WSCD1: variants seen among roughly 807,000 people sequenced by gnomAD.
WSCD1 encodes the protein WSC domain sialate O sulfotransferase 1.
WSCD1 carries 41 observed loss-of-function variants against 60.4 expected under a neutral mutation model. The observed-to-expected ratio is 0.68, with a 90% CI of 0.53 to 0.88. The LOEUF (loss-of-function observed/expected upper bound fraction) is 0.88. Ranked by LOEUF, WSCD1 falls within the 40% of genes least tolerant of loss-of-function variation. The pLI is 0.00. For synonymous variants in WSCD1, 361 were observed against 332.5 expected (o/e 1.09, Z -0.93); for missense variants, 784 against 796.2 (o/e 0.98, Z 0.18).
At position 6,120,675 on chromosome 17, in the gene WSCD1, C is replaced by T. The variant is rs201390837; in HGVS notation, c.*14C>T. 76 of 1,594,592 alleles carry T rather than the reference C, an allele frequency of 4.8e-5. No individual in the cohort carries two copies. The East Asian group carries it at 1.5e-3, about 31-fold the overall frequency. On this transcript the variant is annotated 3_prime_UTR_variant, in exon 9 of 9. Transcript: ENST00000317744. Reference sequence around the variant, plus strand: ...GTGCCCAGATGATAGGCCTGGCCCACGCCGCCGCCCCCGCTGAGTGACGCA... The same window carrying T: ...GTGCCCAGATGATAGGCCTGGCCCATGCCGCCGCCCCCGCTGAGTGACGCA...
At chr17:6,089,778 C>G (rs1909901619) in intron 3 of WSCD1, among the ~76,000 whole-genome samples, 2 of 152,194 alleles carry the variant, frequency 1.3e-5, no homozygotes, top group Non-Finnish European at 2.9e-5. Context: ...CCATTATAAC[C>G]TGTAACCACG....
intron 4 of WSCD1, among the ~76,000 whole-genome samples, chr17:6,091,271 C>T (rs1910023755): frequency 6.6e-6 from 1 of 152,180 alleles, no homozygotes; most frequent in East Asian, 1.9e-4. Context: ...AGAAATGCTG[C>T]ATAAAATTTA....
chr17:6,070,153 GGTGTGT>G (rs375644165), upstream of WSCD1, among the ~76,000 whole-genome samples: 33 of 142,324 alleles, frequency 2.3e-4, no homozygotes, highest in Admixed American at 4.1e-4. Flanking sequence ...CTGGGTGACT[GGTGTGT>G]GTGTGTGTGT....
intron 1 of WSCD1, among the ~76,000 whole-genome samples, chr17:6,070,913 G>C (rs1322660503): frequency 6.6e-6 from 1 of 151,610 alleles, no homozygotes; most frequent in Non-Finnish European, 1.5e-5. Context: ...GGGATGGGGT[G>C]GGGGTGCGCG....
chr17:6,121,505 ATCC>A lies in WSCD1; in HGVS notation c.*847_*849del, dbSNP rs1296998489. Reference sequence around the variant, plus strand: ...CCTTGCCTGGCTTCTTCCTCCAGCTATCCTCAGGGAAGCTGGAGATTCAAGTCA... The same window carrying A: ...CCTTGCCTGGCTTCTTCCTCCAGCTATCAGGGAAGCTGGAGATTCAAGTCA... On this transcript the variant is annotated 3_prime_UTR_variant, in exon 9 of 9. Coordinates refer to ENST00000317744, the MANE Select transcript of WSCD1 (RefSeq NM_015253.2). 1 of 152,190 alleles carries A rather than the reference ATCC, an allele frequency of 6.6e-6. No individual in the cohort carries two copies. Among genetic ancestry groups the A allele is most frequent in the Non-Finnish European group, 1.5e-5 (1 of 68,096 alleles). 9.4% of individuals were successfully genotyped at this position (152,190 alleles called of 1,614,324 possible). A position where few individuals can be genotyped will look rare whatever the true frequency, so the allele number is the denominator to read the frequency against.
chr17:6,111,362 T>C (rs2150566627), intron 7 of WSCD1, among the ~76,000 whole-genome samples: 1 of 152,246 alleles, frequency 6.6e-6, no homozygotes, highest in East Asian at 1.9e-4. Context: ...GAGGTGACTG[T>C]TCCACCAGAT....
chr17:6,115,570 C>A (rs1911646722), intron 7 of WSCD1, among the ~76,000 whole-genome samples: 1 of 151,878 alleles, frequency 6.6e-6, no homozygotes, highest in Non-Finnish European at 1.5e-5. Context: ...GGATTTCTTT[C>A]TTTCCTTTTT....
Position 6,095,172 on chromosome 17 carries a change from G to A in WSCD1, c.798G>A (p.Leu266=). The part of the protein sequence containing the change: ...ENITHAFPSS[L]IQANVTVGTC... ...TCACACATGCCTTCCCCAGCTCCCT[G>A]ATACAGGCCAATGTGACCGTGGGGA... The change falls in exon 5 of 9, where the codon CTG becomes CTA. Residue 266 remains leucine, a synonymous_variant. Transcript: ENST00000317744. The A allele has an allele frequency of 1.2e-6, 2 of 1,613,770 alleles. No homozygotes were observed. The highest frequency in any genetic ancestry group is 1.7e-6 in the Non-Finnish European group (2 of 1,179,850).
In WSCD1 at chr17:6,120,329, A is replaced by G. The variant is rs1904591450; in HGVS notation, c.1396A>G (p.Ser466Gly). 6.2e-7 allele frequency: 1 copy of G among 1,613,740 alleles called. No individual in the cohort carries two copies. The highest frequency in any genetic ancestry group is 8.5e-7 in the Non-Finnish European group (1 of 1,179,892). Residue 466 changes from serine to glycine, a missense_variant, in exon 9 of 9, where the codon AGC becomes GGC. Coordinates refer to ENST00000317744, the MANE Select transcript of WSCD1 (RefSeq NM_015253.2). ...KSKEWPDFVNSYASWWSSHVL... is the reference protein window; with the variant it reads ...KSKEWPDFVNGYASWWSSHVL... ...TCTAGAGTGGCCGGACTTTGTCAAC[A>G]GCTACGCCTCGTGGTGGTCCTCGCA...
intron 3 of WSCD1, among the ~76,000 whole-genome samples, chr17:6,090,033 A>C (rs1909917608): frequency 6.6e-6 from 1 of 152,106 alleles, no homozygotes; most frequent in African/African-American, 2.4e-5. Context: ...TGCATGACCC[A>C]CATAAATCCT....
intron 5 of WSCD1, among the ~76,000 whole-genome samples, chr17:6,100,998 C>T (rs1395368245): frequency 6.6e-6 from 1 of 152,306 alleles, no homozygotes; most frequent in Non-Finnish European, 1.5e-5. Context: ...CTGACCCAGA[C>T]CTGCAGAGGC....
At chr17:6,087,847 G>T in intron 2 of WSCD1, 143 bp from the exon 3 acceptor site, 1 of 625,240 alleles carries the variant, frequency 1.6e-6, no homozygotes, top group Non-Finnish European at 2.8e-6. Flanking sequence ...CACTGAGTGG[G>T]AGGGAGGTAG....
At chr17:6,076,392 G>T (rs181885802) in intron 1 of WSCD1, among the ~76,000 whole-genome samples, 41 of 152,318 alleles carry the variant, frequency 2.7e-4, no homozygotes, top group Admixed American at 1.8e-3. Context: ...TCAGCTGTGA[G>T]CAAGAGTGGG....
chr17:6,086,249 T>C (rs201328283), intron 2 of WSCD1, among the ~76,000 whole-genome samples: 1 of 71,214 alleles, frequency 1.4e-5, no homozygotes, highest in African/African-American at 5.7e-5. Context: ...CGTCCTGACT[T>C]CATATATATA....
chr17:6,103,262 A>G (rs1237654065), intron 5 of WSCD1, among the ~76,000 whole-genome samples: 1 of 152,104 alleles, frequency 6.6e-6, no homozygotes, highest in Non-Finnish European at 1.5e-5. Flanking sequence ...TGGAGTAGCA[A>G]GTGTTCCAGA....
rs1466493897 is a variant in WSCD1 at position 6,080,882 on chromosome 17, C to T, written c.224C>T (p.Pro75Leu). Reference protein sequence around the residue: ...GLLDSRALHDPRVSPELLLGV... With the variant: ...GLLDSRALHDLRVSPELLLGV... ...CTGGACAGCAGAGCCCTGCACGACC[C>T]TCGAGTCAGCCCAGAGCTGCTGCTG... is the stretch of plus-strand genomic sequence containing the variant. Residue 75 changes from proline (P) to leucine (L), a missense_variant, in exon 2 of 9, where the codon CCT (proline) becomes CTT (leucine). Pro to Leu is a moderately conservative substitution (Grantham distance 98). Coordinates refer to ENST00000317744, the MANE Select transcript of WSCD1 (RefSeq NM_015253.2). This position sits in a 1 kb window ranked among gnomAD's most constrained non-coding sequence, Gnocchi z 6.6. 1 of 1,602,872 alleles carries T rather than the reference C, an allele frequency of 6.2e-7. No individual in the cohort carries two copies. The highest frequency in any genetic ancestry group is 8.5e-7 in the Non-Finnish European group (1 of 1,177,992).
chr17:6,101,664 T>A lies in WSCD1; in HGVS notation c.849+6441T>A, dbSNP rs1437452866. 2.0e-5 allele frequency among the ~76,000 whole-genome samples: 3 copies of A among 152,210 alleles called. No homozygotes were observed. The highest frequency in any genetic ancestry group is 4.4e-5 in the Non-Finnish European group (3 of 68,046). ...GGGAATTGACCAATGTAATGTGTTT[T>A]TAAAGCCCAGTGAAATGATCTTGTC... On this transcript the variant is annotated intron_variant, in intron 5 of 8. Transcript: ENST00000317744. The surrounding 1 kb of genome is among the most constrained non-coding windows in gnomAD (Gnocchi z 4.1).
chr17:6,105,858 C>T (rs1227909884), intron 5 of WSCD1, among the ~76,000 whole-genome samples: 1 of 152,142 alleles, frequency 6.6e-6, no homozygotes, highest in African/African-American at 2.4e-5. Context: ...AGCAGAGCCC[C>T]CTCTGGGCTT....
Position 6,109,644 on chromosome 17 carries a change from A to T in WSCD1, c.887A>T (p.Tyr296Phe), listed in dbSNP as rs754875181. 82 of 1,613,880 alleles carry T rather than the reference A, an allele frequency of 5.1e-5. No individual in the cohort carries two copies. Among genetic ancestry groups the T allele is most frequent in the Non-Finnish European group, 6.7e-5 (79 of 1,179,998 alleles). Residue 296 changes from tyrosine (Y) to phenylalanine (F), a missense_variant, in exon 6 of 9, where the codon TAC becomes TTC. Tyr to Phe is a conservative substitution (Grantham distance 22, BLOSUM62 3). Transcript: ENST00000317744. ...GCCATTCTCAGGGGCTGGGAATGCT[A>T]CTGTGCTTACCCTACCCCCCGGTTC... ...PLAILRGWEC[Y>F]CAYPTPRFNL...
Sources: gnomAD v4.1 joint callset for allele counts (sites outside exome capture counted in the v4.1 genomes callset) on GRCh38, gnomAD v4.1.1 for gene constraint, Gnocchi (gnomAD v3.1) non-coding constraint, MANE v1.5 for transcripts, NCBI Gene and HGNC (gene_info 2026-07-23, HGNC 2026-07-21) for gene names.